Variants in DLGAP3 observed in about 807,000 individuals in gnomAD.
The protein encoded by DLGAP3 is disks large-associated protein 3.
DLGAP3 carries 17 observed loss-of-function variants against 81.2 expected under a neutral mutation model. The ratio of observed to expected loss-of-function variants is 0.21; its 90% CI spans 0.14 to 0.31. DLGAP3 has a LOEUF of 0.31. Ranked by LOEUF, DLGAP3 falls within the 10% of genes least tolerant of loss-of-function variation. DLGAP3 has a pLI of 1.00. For synonymous variants in DLGAP3, 577 were observed against 587.4 expected (o/e 0.98, Z 0.26); for missense variants, 1,124 against 1,388.0 (o/e 0.81, Z 3.02).
rs1639010785 is a variant in DLGAP3, at chr1:34,873,676, A to G, written c.2001-4587T>C. On this transcript the variant is annotated intron_variant, in intron 8 of 11. Coordinates refer to ENST00000373347, the MANE Select transcript of DLGAP3 (RefSeq NM_001080418.3). The surrounding 1 kb of genome is among the most constrained non-coding windows in gnomAD (Gnocchi z 4.2). ...GGCTAGGGCATTGTAGTTATTAATT[A>G]TTATGATTGCTGTTGATCATTTCCA... Among the ~76,000 whole-genome samples the G allele has an allele frequency of 6.6e-6, 1 of 152,222 alleles. No homozygotes were observed. The highest frequency in any genetic ancestry group is 6.5e-5 in the Admixed American group (1 of 15,278).
At chr1:34,882,167 T>C (rs1639155408) in intron 8 of DLGAP3, among the ~76,000 whole-genome samples, 1 of 152,086 alleles carries the variant, frequency 6.6e-6, no homozygotes, top group Non-Finnish European at 1.5e-5. Flanking sequence ...AAAATCAACA[T>C]ACAAAACATA....
intron 8 of DLGAP3, among the ~76,000 whole-genome samples, chr1:34,869,816 G>C (rs1445890377): frequency 6.6e-6 from 1 of 152,202 alleles, no homozygotes; most frequent in East Asian, 1.9e-4. Context: ...GTCTATGCTA[G>C]TTTACACCAG....
Position 34,903,576 on chromosome 1 carries a change from C to T in DLGAP3, c.1107+701G>A, listed in dbSNP as rs141118072. Among the ~76,000 whole-genome samples, 712 of 152,300 alleles carry T rather than the reference C, an allele frequency of 4.7e-3. 3 individuals are homozygous for T. Among genetic ancestry groups the T allele is most frequent in the Non-Finnish European group, 8.0e-3 (547 of 68,028 alleles). ...GAATCAGAGTTCCTGGCCTCACCTG[C>T]AGAGACCATAAATGTGGTAAGACAA... On this transcript the variant is annotated intron_variant, in intron 3 of 11. Coordinates refer to ENST00000373347, the MANE Select transcript of DLGAP3 (RefSeq NM_001080418.3).
intron 1 of DLGAP3, among the ~76,000 whole-genome samples, chr1:34,917,300 G>A (rs970567089): frequency 6.6e-6 from 1 of 151,618 alleles, no homozygotes; most frequent in Non-Finnish European, 1.5e-5. Flanking sequence ...GTTCCTATGA[G>A]GGTTCATACA....
At chr1:34,886,815 C>CTA (rs1422650397) in intron 5 of DLGAP3, among the ~76,000 whole-genome samples, 2 of 150,250 alleles carry the variant, frequency 1.3e-5, no homozygotes, top group Non-Finnish European at 3.0e-5. Flanking sequence ...TACATATATA[C>CTA]TATATATATA....
intron 1 of DLGAP3, among the ~76,000 whole-genome samples, chr1:34,916,651 A>T (rs757279022): frequency 4.0e-3 from 2 of 504 alleles, no homozygotes; most frequent in African/African-American, 5.0e-3. Context: ...TTTATTTTTT[A>T]TTTTATTTTA....
At chr1:34,884,245 C>T (rs940854413) in intron 8 of DLGAP3, among the ~76,000 whole-genome samples, 1 of 151,966 alleles carries the variant, frequency 6.6e-6, no homozygotes, top group Non-Finnish European at 1.5e-5. Context: ...TTCCTCCAGT[C>T]GTATGGCCTG....
rs1265003003 is a variant in DLGAP3 at position 34,924,118 on chromosome 1, G to A, written c.-135+5333C>T. Reference sequence around the variant, plus strand: ...GGGAAGGGACCTTAAGAAACTCCTTGCTCTATTCCCTTCATGGTTACAAAG... The same window carrying A: ...GGGAAGGGACCTTAAGAAACTCCTTACTCTATTCCCTTCATGGTTACAAAG... On this transcript the variant is annotated intron_variant, in intron 1 of 11. Transcript: ENST00000373347. 2.0e-5 allele frequency among the ~76,000 whole-genome samples: 3 copies of A among 152,060 alleles called. 1 individual carries two copies. Among genetic ancestry groups the A allele is most frequent in the African/African-American group, 7.2e-5 (3 of 41,390 alleles).
intron 1 of DLGAP3, among the ~76,000 whole-genome samples, chr1:34,920,983 C>G (rs1639787495): frequency 2.6e-5 from 4 of 152,046 alleles, no homozygotes; most frequent in Admixed American, 2.6e-4. Context: ...GGAGGTCTTT[C>G]CAAAAATGTG....
chr1:34,926,587 C>A (rs1639875713), intron 1 of DLGAP3, among the ~76,000 whole-genome samples: 1 of 152,166 alleles, frequency 6.6e-6, no homozygotes, highest in African/African-American at 2.4e-5. Flanking sequence ...GGGAAGGTTT[C>A]CTGACCGTGG....
At chr1:34,908,403 C>A (rs1569651457) in intron 1 of DLGAP3, among the ~76,000 whole-genome samples, 1 of 152,254 alleles carries the variant, frequency 6.6e-6, no homozygotes, top group East Asian at 1.9e-4. Context: ...GGAAAAGAAC[C>A]TACCCAGTGG....
chr1:34,911,751 T>C (rs1319868915), intron 1 of DLGAP3, among the ~76,000 whole-genome samples: 1 of 152,122 alleles, frequency 6.6e-6, no homozygotes, highest in Admixed American at 6.5e-5. Flanking sequence ...GCTGGCAGGG[T>C]TGTTGTTACA....
At chr1:34,885,142 C>A in intron 7 of DLGAP3, 79 bp from the exon 8 acceptor site, 1 of 1,361,022 alleles carries the variant, frequency 7.3e-7, no homozygotes, top group Non-Finnish European at 1.0e-6. Context: ...CTAGCAATGG[C>A]TGCGCCCCAA....
intron 5 of DLGAP3, among the ~76,000 whole-genome samples, chr1:34,892,327 C>T (rs1364552709): frequency 6.6e-6 from 1 of 151,826 alleles, no homozygotes; most frequent in Non-Finnish European, 1.5e-5. Context: ...AAATATTAAA[C>T]AGAAATGAAC....
intron 6 of DLGAP3, 130 bp from the exon 7 acceptor site, chr1:34,885,921 T>A (rs1569617168): frequency 8.8e-7 from 1 of 1,135,140 alleles, no homozygotes; most frequent in Non-Finnish European, 1.2e-6. Flanking sequence ...CACATGCTGC[T>A]GCACACACGC....
intron 5 of DLGAP3, 70 bp downstream of exon 5, chr1:34,899,599 G>C: frequency 7.4e-7 from 1 of 1,351,980 alleles, no homozygotes; most frequent in African/African-American, 1.4e-5. Flanking sequence ...CTGATTTTAA[G>C]TCCTAAGCTG....
Position 34,900,344 on chromosome 1 carries a change from C to A in DLGAP3, c.1108-71G>T. On this transcript the variant is annotated intron_variant, in intron 3 of 11. Transcript: ENST00000373347. The surrounding 1 kb of genome is among the most constrained non-coding windows in gnomAD (Gnocchi z 5.6). The stretch of plus-strand genomic sequence containing the variant: ...TCTAGAGGCCAGGACTCTTTCCCCA[C>A]TGCCAGTGGGAGATGCCCTGCCCTG... 6.7e-7 allele frequency: 1 copy of A among 1,501,262 alleles called. No individual in the cohort carries two copies. The highest frequency in any genetic ancestry group is 9.2e-7 in the Non-Finnish European group (1 of 1,084,376). The allele number at this position is 1,501,262 out of a possible 1,614,324, so 93.0% of individuals were successfully genotyped here. A position where few individuals can be genotyped will look rare whatever the true frequency, so the allele number is the denominator to read the frequency against.
chr1:34,899,587 C>A (rs1472352675), intron 5 of DLGAP3, 82 bp downstream of exon 5: 2 of 1,254,268 alleles, frequency 1.6e-6, no homozygotes, highest in Non-Finnish European at 2.3e-6. Flanking sequence ...CAGGCAGACC[C>A]TCTGATTTTA....
chr1:34,915,341 C>G (rs1639700613), intron 1 of DLGAP3, among the ~76,000 whole-genome samples: 1 of 152,186 alleles, frequency 6.6e-6, no homozygotes, highest in Non-Finnish European at 1.5e-5. Context: ...GATTTGGACT[C>G]GTGCTGCCCT....
Sources: gnomAD v4.1 joint callset for allele counts (sites outside exome capture counted in the v4.1 genomes callset) on GRCh38, gnomAD v4.1.1 for gene constraint, Gnocchi (gnomAD v3.1) non-coding constraint, MANE v1.5 for transcripts, NCBI Gene and HGNC (gene_info 2026-07-23, HGNC 2026-07-21) for gene names.